SMYD3: variants seen among roughly 807,000 people sequenced by gnomAD.
The protein encoded by SMYD3 is SET and MYND domain containing 3, also known as histone-lysine N-methyltransferase SMYD3.
A neutral mutation model predicts 57.7 loss-of-function variants in SMYD3; 36 were observed. The ratio of observed to expected loss-of-function variants is 0.62; its 90% CI spans 0.48 to 0.82. The LOEUF (loss-of-function observed/expected upper bound fraction) is 0.82. Among genes scored for constraint, SMYD3 ranks in the 40% least tolerant of loss-of-function variants. The pLI is 0.00. For missense variants in SMYD3, 515 were observed against 538.8 expected, an observed-to-expected ratio of 0.96 and a Z score of 0.44; for synonymous variants, 211 against 195.0, an observed-to-expected ratio of 1.08 and a Z score of -0.68.
chr1:246,448,800 C>T (rs1266419110), intron 1 of SMYD3, among the ~76,000 whole-genome samples: 2 of 151,026 alleles, frequency 1.3e-5, no homozygotes, highest in African/African-American at 4.9e-5. Context: ...CAATGTAGGA[C>T]CAACCAGAGA....
At chr1:246,491,559 A>AG (rs61561360) in intron 1 of SMYD3, among the ~76,000 whole-genome samples, 3,821 of 148,312 alleles carry the variant, frequency 0.026, 174 homozygotes, top group African/African-American at 0.087. Context: ...AAAAAAAAAA[A>AG]AGAGAGAGAA....
At chr1:246,192,826 A>G (rs2333991) in intron 5 of SMYD3, among the ~76,000 whole-genome samples, 118,607 of 151,908 alleles carry the variant, frequency 0.78, 46,414 homozygotes, top group Admixed American at 0.84. Context: ...AAAGGAGAAC[A>G]GTAAGTCCTC....
intron 1 of SMYD3, among the ~76,000 whole-genome samples, chr1:246,356,238 G>A (rs1361879566): frequency 6.6e-6 from 1 of 152,130 alleles, no homozygotes; most frequent in Non-Finnish European, 1.5e-5. Context: ...ATCCCTGGGG[G>A]AGGAGGGAGA....
intron 5 of SMYD3, among the ~76,000 whole-genome samples, chr1:246,031,849 T>G (rs2059683975): frequency 6.6e-6 from 1 of 152,102 alleles, no homozygotes; most frequent in Admixed American, 6.6e-5. Flanking sequence ...GAGACTAAAT[T>G]GAAATCAGCC....
chr1:245,937,108 A>G lies in SMYD3; in HGVS notation c.532-7171T>C, dbSNP rs181790047. On this transcript the variant is annotated intron_variant, in intron 5 of 11. Coordinates refer to ENST00000490107, the MANE Select transcript of SMYD3 (RefSeq NM_001167740.2). ...GTCTTTCTAGACTGAGATACATCCAACTGTTTTCACAACTGCAGTGGTGTC... is the reference window on the plus strand; with the variant it reads ...GTCTTTCTAGACTGAGATACATCCAGCTGTTTTCACAACTGCAGTGGTGTC... Among the ~76,000 whole-genome samples, 12 of 152,314 alleles carry G rather than the reference A, an allele frequency of 7.9e-5. No homozygotes were observed. In the East Asian group the frequency reaches 2.3e-3, roughly 29 times the overall value.
chr1:246,276,735 C>T (rs1023442322), intron 5 of SMYD3, among the ~76,000 whole-genome samples: 1 of 148,990 alleles, frequency 6.7e-6, no homozygotes, highest in African/African-American at 2.5e-5. Context: ...GTAGTGGAGT[C>T]TGATGCCCAT....
chr1:245,805,259 T>A (rs2148259791), intron 10 of SMYD3, among the ~76,000 whole-genome samples: 1 of 151,504 alleles, frequency 6.6e-6, no homozygotes, highest in South Asian at 2.1e-4. Flanking sequence ...GTTGATAATA[T>A]AAGAGAGGGG....
chr1:246,155,858 C>T (rs530614206), intron 5 of SMYD3, among the ~76,000 whole-genome samples: 1 of 151,996 alleles, frequency 6.6e-6, no homozygotes, highest in African/African-American at 2.4e-5. Flanking sequence ...TGTGGTGGCA[C>T]GCACCTGTAG....
chr1:246,043,598 T>C (rs1480767606), intron 5 of SMYD3, among the ~76,000 whole-genome samples: 2 of 152,170 alleles, frequency 1.3e-5, no homozygotes, highest in Non-Finnish European at 1.5e-5. Context: ...CTGCAGGGCA[T>C]AGGTTTCTGG....
intron 10 of SMYD3, among the ~76,000 whole-genome samples, chr1:245,774,643 T>A (rs563465245): frequency 7.9e-6 from 1 of 126,642 alleles, no homozygotes; most frequent in African/African-American, 2.8e-5. Flanking sequence ...CCCCACAGTC[T>A]CCCTCTCCCT....
intron 5 of SMYD3, among the ~76,000 whole-genome samples, chr1:246,151,749 A>G (rs2061943951): frequency 6.6e-6 from 1 of 152,202 alleles, no homozygotes; most frequent in Non-Finnish European, 1.5e-5. Flanking sequence ...TCAATACCAT[A>G]CAGAGGTATT....
At chr1:246,075,625 G>A (rs184637370) in intron 5 of SMYD3, among the ~76,000 whole-genome samples, 139 of 152,310 alleles carry the variant, frequency 9.1e-4, no homozygotes, top group African/African-American at 3.3e-3. Flanking sequence ...CCTTCAGGCT[G>A]CAGGACAATG....
chr1:246,158,346 A>AT (rs2062055987), intron 5 of SMYD3, among the ~76,000 whole-genome samples: 1 of 152,196 alleles, frequency 6.6e-6, no homozygotes, highest in Non-Finnish European at 1.5e-5. Context: ...TGACAGGTAA[A>AT]ATAGTAGGTT....
At chr1:246,430,599 A>C (rs1459232488) in intron 1 of SMYD3, among the ~76,000 whole-genome samples, 1 of 152,224 alleles carries the variant, frequency 6.6e-6, no homozygotes, top group Non-Finnish European at 1.5e-5. Flanking sequence ...GTTTGCAGAC[A>C]CTGGGCTTAC....
At chr1:246,174,166 T>C (rs146931351) in intron 5 of SMYD3, among the ~76,000 whole-genome samples, 27 of 152,210 alleles carry the variant, frequency 1.8e-4, no homozygotes, top group African/African-American at 6.5e-4. Flanking sequence ...AAGTATAATA[T>C]AGTAAATATA....
chr1:245,808,997 C>T (rs1398277725), intron 10 of SMYD3, among the ~76,000 whole-genome samples: 4 of 152,058 alleles, frequency 2.6e-5, no homozygotes, highest in South Asian at 2.1e-4. Context: ...TCCTGACCTC[C>T]GCCCGCCTCG....
chr1:246,169,344 T>C (rs911322973), intron 5 of SMYD3, among the ~76,000 whole-genome samples: 5 of 117,626 alleles, frequency 4.3e-5, no homozygotes, highest in South Asian at 2.5e-4. Context: ...AGAAGGAAAA[T>C]TGGTCAAAGT....
chr1:246,495,969 T>A (rs529199360), intron 1 of SMYD3, among the ~76,000 whole-genome samples: 18 of 150,764 alleles, frequency 1.2e-4, no homozygotes, highest in African/African-American at 3.6e-4. Flanking sequence ...CCTCAAAAAA[T>A]AATAATAATA....
In SMYD3 at chr1:246,507,107, C is replaced by T; in HGVS notation, c.111G>A (p.Ala37=). The T allele has an allele frequency of 6.5e-7, 1 of 1,532,496 alleles. No homozygotes were observed. Among genetic ancestry groups the T allele is most frequent in the South Asian group, 1.2e-5 (1 of 81,842 alleles). 94.9% of individuals were successfully genotyped at this position (1,532,496 alleles called of 1,614,324 possible). A position where few individuals can be genotyped will look rare whatever the true frequency, so the allele number is the denominator to read the frequency against. ...GELLFRSDPL[A]YTVCKGSRGV... ...CACGACTCCCCTTGCACACCGTGTA[C>T]GCCAAGGGATCCGAGCGGAAGAGTA... Residue 37 remains alanine, a synonymous_variant, in exon 1 of 12, where the codon GCG becomes GCA. Transcript: ENST00000490107.
Sources: allele counts gnomAD v4.1 joint callset (sites outside exome capture counted in the v4.1 genomes callset), GRCh38; gene constraint gnomAD v4.1.1; transcripts MANE v1.5; gene names NCBI Gene and HGNC (gene_info 2026-07-23, HGNC 2026-07-21).